PDE4B: variants seen among roughly 807,000 people sequenced by gnomAD.
The protein encoded by PDE4B is 3',5'-cyclic-AMP phosphodiesterase 4B.
In PDE4B, 20 loss-of-function variants were observed where a neutral mutation model predicts 82.2. The ratio of observed to expected loss-of-function variants is 0.24; its 90% CI spans 0.17 to 0.35. The LOEUF is 0.35. PDE4B is among the 10% of genes least tolerant of loss of function. The pLI is 1.00. For missense variants in PDE4B, 655 were observed against 907.2 expected, an observed-to-expected ratio of 0.72 and a Z score of 3.57; for synonymous variants, 320 against 318.9, an observed-to-expected ratio of 1.00 and a Z score of -0.04.
chr1:65,802,624 T>C (rs1158708822), intron 1 of PDE4B, among the ~76,000 whole-genome samples: 1 of 152,180 alleles, frequency 6.6e-6, no homozygotes, highest in Non-Finnish European at 1.5e-5. Flanking sequence ...AGATATGGGG[T>C]AGGAAACCAC....
intron 1 of PDE4B, among the ~76,000 whole-genome samples, chr1:65,826,107 T>G (rs1015790793): frequency 6.6e-6 from 1 of 152,204 alleles, no homozygotes; most frequent in Non-Finnish European, 1.5e-5. Context: ...ATAGTTTTCC[T>G]TTCCAAAGTT....
At chr1:66,139,460 C>T (rs931566390) in intron 3 of PDE4B, among the ~76,000 whole-genome samples, 1 of 152,100 alleles carries the variant, frequency 6.6e-6, no homozygotes, top group Non-Finnish European at 1.5e-5. Context: ...CTTTCCACAT[C>T]GCTCTCCCTC....
At chr1:65,870,164 A>G (rs989286220) in intron 1 of PDE4B, among the ~76,000 whole-genome samples, 1 of 152,200 alleles carries the variant, frequency 6.6e-6, no homozygotes, top group Non-Finnish European at 1.5e-5. Context: ...CAAGAGGGTT[A>G]GTTCTTATGC....
At chr1:66,059,234 T>A (rs1222206687) in intron 3 of PDE4B, among the ~76,000 whole-genome samples, 1 of 152,178 alleles carries the variant, frequency 6.6e-6, no homozygotes, top group Non-Finnish European at 1.5e-5. Context: ...GCCTGGACCT[T>A]ACTGTTCATA....
intron 3 of PDE4B, among the ~76,000 whole-genome samples, chr1:66,021,305 A>T (rs1178117531): frequency 6.6e-6 from 1 of 152,164 alleles, no homozygotes; most frequent in Non-Finnish European, 1.5e-5. Flanking sequence ...GGCTGTGCAG[A>T]TGCTCTTTAG....
At chr1:65,850,089 G>A (rs141292917) in intron 1 of PDE4B, among the ~76,000 whole-genome samples, 39 of 147,436 alleles carry the variant, frequency 2.6e-4, no homozygotes, top group African/African-American at 9.0e-4. Context: ...CATCACCAAC[G>A]CTTAGTAGTA....
At chr1:66,113,469 AT>A (rs151231086) in intron 3 of PDE4B, among the ~76,000 whole-genome samples, 3,041 of 152,276 alleles carry the variant, frequency 0.02, 104 homozygotes, top group African/African-American at 0.07. Flanking sequence ...TCATACATGC[AT>A]TTTGTATTCA....
chr1:66,353,716 G>A (rs1662011835), intron 8 of PDE4B, among the ~76,000 whole-genome samples: 1 of 152,160 alleles, frequency 6.6e-6, no homozygotes, highest in African/African-American at 2.4e-5. Context: ...GGGCTGGGAA[G>A]AAGGGAGAGA....
intron 3 of PDE4B, among the ~76,000 whole-genome samples, chr1:65,986,950 A>T (rs954153359): frequency 1.3e-5 from 2 of 152,204 alleles, no homozygotes; most frequent in African/African-American, 2.4e-5. Flanking sequence ...CCATGCAGAT[A>T]TACTGGGAAA....
intron 3 of PDE4B, among the ~76,000 whole-genome samples, chr1:66,221,800 T>G (rs1397904962): frequency 1.3e-5 from 2 of 152,322 alleles, no homozygotes; most frequent in East Asian, 3.9e-4. Context: ...CTTGTATCTT[T>G]CTTTGTTCCC....
At chr1:65,868,450 G>A (rs367566876) in intron 1 of PDE4B, among the ~76,000 whole-genome samples, 43 of 152,214 alleles carry the variant, frequency 2.8e-4, no homozygotes, top group African/African-American at 9.9e-4. Context: ...GAGTTTCAAA[G>A]GATGACATAC....
At chr1:66,176,547 G>T (rs60131760) in intron 3 of PDE4B, among the ~76,000 whole-genome samples, 13,078 of 152,254 alleles carry the variant, frequency 0.086, 1,212 homozygotes, top group African/African-American at 0.22. Flanking sequence ...TATAAGTGCA[G>T]ATTATAGCAC....
chr1:66,089,278 G>A (rs879795088), intron 3 of PDE4B, among the ~76,000 whole-genome samples: 26 of 152,162 alleles, frequency 1.7e-4, no homozygotes, highest in African/African-American at 2.9e-4. Context: ...CTACGTAGCC[G>A]CTATTAAAGT....
intron 1 of PDE4B, among the ~76,000 whole-genome samples, chr1:65,883,939 G>A (rs982589140): frequency 1.3e-5 from 2 of 152,238 alleles, no homozygotes; most frequent in African/African-American, 4.8e-5. Context: ...CTTTGGTTCT[G>A]TTTATATGCT....
intron 8 of PDE4B, among the ~76,000 whole-genome samples, chr1:66,339,014 G>A (rs1660751210): frequency 1.7e-5 from 2 of 119,118 alleles, no homozygotes; most frequent in African/African-American, 8.2e-5. Context: ...GCGAGACTCC[G>A]TCTCAAAAAA....
chr1:66,332,395 G>A, intron 7 of PDE4B, 113 bp from the exon 8 acceptor site: 6 of 1,613,896 alleles, frequency 3.7e-6, no homozygotes, highest in Non-Finnish European at 5.1e-6. Flanking sequence ...AAATAATGAA[G>A]GAGCACGGGG....
intron 7 of PDE4B, among the ~76,000 whole-genome samples, chr1:66,298,397 G>C (rs906862535): frequency 3.9e-5 from 6 of 152,294 alleles, no homozygotes; most frequent in Admixed American, 2.6e-4. Context: ...GGGCCAAGCT[G>C]TCTGGAAAAG....
chr1:65,923,353 A>G (rs1319676051), intron 3 of PDE4B, among the ~76,000 whole-genome samples: 1 of 152,226 alleles, frequency 6.6e-6, no homozygotes, highest in Non-Finnish European at 1.5e-5. Context: ...TAGTTAATCT[A>G]TAACTTTAAT....
chr1:66,041,813 CACACACACACACACAT>C (rs998805653), intron 3 of PDE4B, among the ~76,000 whole-genome samples: 9 of 67,932 alleles, frequency 1.3e-4, no homozygotes, highest in African/African-American at 4.2e-4. Context: ...CACACACACA[CACACACACACACACAT>C]ACACACACAC....
Sources: gnomAD v4.1 joint callset for allele counts (sites outside exome capture counted in the v4.1 genomes callset) on GRCh38, gnomAD v4.1.1 for gene constraint, MANE v1.5 for transcripts, NCBI Gene and HGNC (gene_info 2026-07-23, HGNC 2026-07-21) for gene names.